RELN: variants seen among roughly 807,000 people sequenced by gnomAD.
RELN encodes reelin.
In RELN, 108 loss-of-function variants were observed where a neutral mutation model predicts 427.6. The observed-to-expected ratio is 0.25, with a 90% CI of 0.22 to 0.30. The LOEUF is 0.30. Among genes scored for constraint, RELN ranks in the 10% least tolerant of loss-of-function variants. RELN has a pLI of 1.00. For missense variants in RELN, 3,715 were observed against 4,302.8 expected (o/e 0.86, Z 3.82); for synonymous variants, 1,524 against 1,513.4 (o/e 1.01, Z -0.16).
chr7:103,931,976 G>A (rs1795876640), intron 1 of RELN, among the ~76,000 whole-genome samples: 1 of 152,164 alleles, frequency 6.6e-6, no homozygotes, highest in African/African-American at 2.4e-5. Flanking sequence ...AAAGCAGTGT[G>A]GCAACTCCTC....
At chr7:103,526,666 C>G (rs1829828497) in intron 46 of RELN, among the ~76,000 whole-genome samples, 1 of 152,146 alleles carries the variant, frequency 6.6e-6, no homozygotes. Context: ...ACTTCTTATT[C>G]CCAGCCCTGT....
intron 3 of RELN, among the ~76,000 whole-genome samples, chr7:103,794,689 C>A (rs1390325581): frequency 6.6e-6 from 1 of 152,158 alleles, no homozygotes; most frequent in Non-Finnish European, 1.5e-5. Context: ...GCTTCTCAAC[C>A]TTAGCACTAC....
At chr7:103,662,612 C>T (rs1378316123) in intron 11 of RELN, among the ~76,000 whole-genome samples, 7 of 120,182 alleles carry the variant, frequency 5.8e-5, no homozygotes, top group Non-Finnish European at 9.7e-5. Context: ...GGTGACACAG[C>T]GAGACTCCGT....
chr7:103,618,383 G>A (rs1486532141), intron 20 of RELN, among the ~76,000 whole-genome samples: 1 of 152,120 alleles, frequency 6.6e-6, no homozygotes, highest in Non-Finnish European at 1.5e-5. Flanking sequence ...CTCCTTCTGT[G>A]TAGAAGAGGC....
At chr7:103,986,811 T>C (rs1446594944) in intron 1 of RELN, among the ~76,000 whole-genome samples, 1 of 152,132 alleles carries the variant, frequency 6.6e-6, no homozygotes, top group East Asian at 1.9e-4. Flanking sequence ...ACATTTCTTG[T>C]AAGTTTAAGA....
chr7:103,970,681 A>G (rs1796745801), intron 1 of RELN, among the ~76,000 whole-genome samples: 1 of 152,202 alleles, frequency 6.6e-6, no homozygotes, highest in Non-Finnish European at 1.5e-5. Flanking sequence ...ATAGTTAATA[A>G]GGTGTCTTTA....
At chr7:103,842,502 T>C (rs552760030) in intron 2 of RELN, among the ~76,000 whole-genome samples, 4 of 152,314 alleles carry the variant, frequency 2.6e-5, no homozygotes, top group South Asian at 4.1e-4. Context: ...AAAGTAATCA[T>C]AGAATTTCCT....
intron 2 of RELN, among the ~76,000 whole-genome samples, chr7:103,880,173 T>A (rs1794573652): frequency 6.6e-6 from 1 of 151,962 alleles, no homozygotes; most frequent in Non-Finnish European, 1.5e-5. Flanking sequence ...AAGCAGGTGA[T>A]GTTAACATCC....
intron 10 of RELN, among the ~76,000 whole-genome samples, chr7:103,691,752 G>T (rs1459822542): frequency 3.9e-5 from 6 of 152,122 alleles, no homozygotes; most frequent in African/African-American, 1.4e-4. Flanking sequence ...GGTGGAGGCT[G>T]CAGTGAGACG....
chr7:103,607,814 C>G (rs1831853928), intron 22 of RELN, among the ~76,000 whole-genome samples: 1 of 152,136 alleles, frequency 6.6e-6, no homozygotes, highest in African/African-American at 2.4e-5. Context: ...CTCATTCACT[C>G]ATTAGGTGTT....
chr7:103,631,284 T>A (rs949446379), intron 19 of RELN, among the ~76,000 whole-genome samples: 2 of 105,946 alleles, frequency 1.9e-5, no homozygotes, highest in Admixed American at 1.2e-4. Context: ...TTAAAAACAC[T>A]TCTTTTTTTT....
chr7:103,661,923 T>C (rs1342102075), intron 11 of RELN, among the ~76,000 whole-genome samples: 1 of 152,196 alleles, frequency 6.6e-6, no homozygotes, highest in Non-Finnish European at 1.5e-5. Flanking sequence ...ACTTGTATGA[T>C]GTTTTACCTA....
intron 20 of RELN, among the ~76,000 whole-genome samples, chr7:103,619,679 G>A (rs1435598319): frequency 1.3e-5 from 2 of 152,200 alleles, no homozygotes; most frequent in South Asian, 2.1e-4. Context: ...CCTCTGCTAG[G>A]TGCCTGCTGG....
At chr7:103,650,497 A>G in intron 15 of RELN, 114 bp from the exon 16 acceptor site, 5 of 746,130 alleles carry the variant, frequency 6.7e-6, no homozygotes, top group South Asian at 5.8e-5. Context: ...ACTAAAGTTT[A>G]CCAATAAACT....
intron 11 of RELN, among the ~76,000 whole-genome samples, chr7:103,671,145 T>C (rs1325026617): frequency 6.6e-6 from 1 of 152,146 alleles, no homozygotes; most frequent in Non-Finnish European, 1.5e-5. Flanking sequence ...GGTTTATCTC[T>C]AGTACGAGTC....
chr7:103,773,164 C>CTTTCT (rs1447006041), intron 4 of RELN, among the ~76,000 whole-genome samples: 1 of 106,240 alleles, frequency 9.4e-6, no homozygotes, highest in African/African-American at 3.5e-5. Flanking sequence ...TTCTTTCTTT[C>CTTTCT]TTTTTCTTTC....
rs116750302 is a variant in RELN, at chr7:103,551,222, C to T, written c.6147G>A (p.Ala2049=). ...VRLEFSRDFG[A]TWHLLLPLCY... ...AGAGGGGCAGCAGAAGGTGCCAGGT[C>T]GCCCCGAAGTCCCTTGAAAATTCCA... The change falls in exon 41 of 65, where the codon GCG becomes GCA. Residue 2049 remains alanine (A), a synonymous_variant. Transcript: ENST00000428762. The T allele has an allele frequency of 1.5e-5, 24 of 1,613,996 alleles. No individual in the cohort carries two copies. In the East Asian group the frequency reaches 1.8e-4, roughly 12 times the overall value.
rs1833136675 is a variant in RELN at position 103,661,415 on chromosome 7, T to A, written c.1402A>T (p.Thr468Ser). 6.4e-7 allele frequency: 1 copy of A among 1,560,546 alleles called. No individual in the cohort carries two copies. Among genetic ancestry groups the A allele is most frequent in the South Asian group, 1.1e-5 (1 of 90,026 alleles). Reference sequence around the variant, plus strand: ...AACCTCAGGTTCCCATAACCGGTAGTGTCCATGGATGGAGTGCATAATTTC... The same window carrying A: ...AACCTCAGGTTCCCATAACCGGTAGAGTCCATGGATGGAGTGCATAATTTC... Reference protein sequence around the residue: ...ERKLCTPSMDTTGYGNLRFYF... With the variant: ...ERKLCTPSMDSTGYGNLRFYF... The change falls in exon 12 of 65, where the codon ACT becomes TCT. Residue 468 changes from threonine to serine, a missense_variant. Around this residue, in one of 4 missense-constraint regions of RELN, gnomAD observed 2,208 missense variants for 2,361.7 expected, o/e 0.93. Coordinates refer to ENST00000428762, the MANE Select transcript of RELN (RefSeq NM_005045.4).
rs1793648227 is a variant in RELN at position 103,845,297 on chromosome 7, TC to T, written c.338-11626del. Among the ~76,000 whole-genome samples the T allele has an allele frequency of 3.3e-5, 5 of 152,158 alleles. No individual in the cohort carries two copies. In the South Asian group the frequency reaches 1.0e-3, roughly 32 times the overall value. ...CCTCTGCTTCCTGGGTTCAAGTGATTCTCAGGCCTCAGTCACCTGAAATATA... is the reference window on the plus strand; with the variant it reads ...CCTCTGCTTCCTGGGTTCAAGTGATTTCAGGCCTCAGTCACCTGAAATATA... On this transcript the variant is annotated intron_variant, in intron 2 of 64. Coordinates refer to ENST00000428762, the MANE Select transcript of RELN (RefSeq NM_005045.4).
Sources: gnomAD v4.1 joint callset for allele counts (sites outside exome capture counted in the v4.1 genomes callset) on GRCh38, gnomAD v4.1.1 for gene constraint, gnomAD v4.1.1 regional missense constraint, MANE v1.5 for transcripts, NCBI Gene and HGNC (gene_info 2026-07-23, HGNC 2026-07-21) for gene names.